PTGER3: variants seen among roughly 807,000 people sequenced by gnomAD.
The protein encoded by PTGER3 is prostaglandin E2 receptor EP3 subtype.
Under a neutral mutation model 34.7 loss-of-function variants are expected in PTGER3, and 22 were observed. The ratio of observed to expected loss-of-function variants is 0.63; its 90% CI spans 0.45 to 0.91. The LOEUF (loss-of-function observed/expected upper bound fraction) is 0.91, where lower values mean the gene tolerates loss of function less well. Among genes scored for constraint, PTGER3 ranks in the 40% least tolerant of loss-of-function variants. The probability of loss-of-function intolerance (pLI) is 0.00; values close to 1 mark genes in which losing one functional copy is unlikely to be tolerated. For missense variants in PTGER3, 468 were observed against 519.4 expected, an observed-to-expected ratio of 0.90 and a Z score of 0.96; for synonymous variants, 241 against 230.1, an observed-to-expected ratio of 1.05 and a Z score of -0.43.
intron 1 of PTGER3, among the ~76,000 whole-genome samples, chr1:71,027,047 G>A (rs1480940795): frequency 2.0e-5 from 3 of 152,102 alleles, no homozygotes; most frequent in African/African-American, 4.8e-5. Flanking sequence ...AATTCTTACT[G>A]TACTACTTAC....
chr1:71,008,930 G>T (rs1296548253), intron 2 of PTGER3: 3 of 981,294 alleles, frequency 3.1e-6, no homozygotes, highest in Non-Finnish European at 3.6e-6. Flanking sequence ...TGCAGGAGAA[G>T]CTTTTGGGGT....
intron 4 of PTGER3, among the ~76,000 whole-genome samples, chr1:70,947,107 G>A (rs1219629837): frequency 1.3e-5 from 2 of 152,024 alleles, no homozygotes; most frequent in Non-Finnish European, 2.9e-5. Flanking sequence ...GTAAAAATAG[G>A]GATAAAAATT....
intron 4 of PTGER3, among the ~76,000 whole-genome samples, chr1:70,870,169 C>T (rs1332053796): frequency 6.6e-6 from 1 of 152,156 alleles, no homozygotes; most frequent in African/African-American, 2.4e-5. Flanking sequence ...TGGAAGCCAC[C>T]AACACTTATG....
chr1:70,867,960 T>G (rs1448819272), intron 4 of PTGER3, among the ~76,000 whole-genome samples: 8 of 152,180 alleles, frequency 5.3e-5, no homozygotes, highest in Non-Finnish European at 1.2e-4. Context: ...CAATAGACAT[T>G]ACTAAATACC....
chr1:70,931,248 C>T (rs533661136), intron 4 of PTGER3, among the ~76,000 whole-genome samples: 1 of 152,192 alleles, frequency 6.6e-6, no homozygotes, highest in Non-Finnish European at 1.5e-5. Flanking sequence ...GGCAGCTCTG[C>T]CCCTGTGGCT....
chr1:70,917,070 T>G (rs1405328479), intron 4 of PTGER3, among the ~76,000 whole-genome samples: 1 of 151,990 alleles, frequency 6.6e-6, no homozygotes, highest in Non-Finnish European at 1.5e-5. Flanking sequence ...TCTTGAAATA[T>G]ACACTACATT....
At chr1:70,993,230 A>C (rs1655629210) in intron 2 of PTGER3, among the ~76,000 whole-genome samples, 1 of 152,152 alleles carries the variant, frequency 6.6e-6, no homozygotes, top group African/African-American at 2.4e-5. Context: ...CATATCCCCC[A>C]CTAAGAAAGC....
intron 2 of PTGER3, chr1:71,006,831 T>C (rs961285967): frequency 2.0e-6 from 2 of 985,302 alleles, no homozygotes; most frequent in Non-Finnish European, 2.4e-6. Flanking sequence ...CTGACGTGAG[T>C]TGACATCAGG....
chr1:70,907,106 T>C (rs1646965892), intron 4 of PTGER3, among the ~76,000 whole-genome samples: 1 of 152,204 alleles, frequency 6.6e-6, no homozygotes, highest in African/African-American at 2.4e-5. Flanking sequence ...AATGACCAAA[T>C]GTCACTCACC....
chr1:70,892,182 C>A (rs1646631826), intron 4 of PTGER3, among the ~76,000 whole-genome samples: 1 of 152,178 alleles, frequency 6.6e-6, no homozygotes, highest in Non-Finnish European at 1.5e-5. Context: ...GACAGACCTG[C>A]ATTTCAAACC....
intron 4 of PTGER3, among the ~76,000 whole-genome samples, chr1:70,930,132 A>G (rs760342466): frequency 6.6e-6 from 1 of 152,224 alleles, no homozygotes; most frequent in Non-Finnish European, 1.5e-5. Flanking sequence ...AACAATAACA[A>G]TAGATTTTGG....
At chr1:71,010,267 C>G in intron 2 of PTGER3, 3 of 984,352 alleles carry the variant, frequency 3.0e-6, no homozygotes, top group Non-Finnish European at 3.6e-6. Context: ...CAGTATGACA[C>G]TACACCCTTG....
At chr1:70,886,861 A>T (rs915132964) in intron 4 of PTGER3, among the ~76,000 whole-genome samples, 1 of 152,218 alleles carries the variant, frequency 6.6e-6, no homozygotes, top group Non-Finnish European at 1.5e-5. Flanking sequence ...GGTATATGGC[A>T]GAGCTGGTCC....
At chr1:70,910,725 G>A (rs1647041554) in intron 4 of PTGER3, among the ~76,000 whole-genome samples, 1 of 152,146 alleles carries the variant, frequency 6.6e-6, no homozygotes, top group East Asian at 1.9e-4. Context: ...TTACAAAACA[G>A]AAGAAACAAA....
chr1:70,863,461 G>A (rs539209768), intron 4 of PTGER3, among the ~76,000 whole-genome samples: 8 of 152,254 alleles, frequency 5.3e-5, no homozygotes, highest in South Asian at 2.1e-4. Flanking sequence ...GGATTCTACT[G>A]CAAGAAGAAA....
chr1:70,853,074 C>T (rs946204805), intron 4 of PTGER3, among the ~76,000 whole-genome samples: 17 of 152,164 alleles, frequency 1.1e-4, no homozygotes, highest in Non-Finnish European at 1.9e-4. Flanking sequence ...GCCACAAACT[C>T]GGGGTGTAAA....
intron 2 of PTGER3, among the ~76,000 whole-genome samples, chr1:70,989,554 A>AATATTATTG (rs1249027806): frequency 1.3e-5 from 2 of 152,200 alleles, no homozygotes; most frequent in Non-Finnish European, 2.9e-5. Context: ...TAGCTAAAAC[A>AATATTATTG]ATATTATTGA....
intron 4 of PTGER3, among the ~76,000 whole-genome samples, chr1:70,883,304 A>C (rs1646431904): frequency 1.3e-5 from 2 of 152,214 alleles, no homozygotes; most frequent in South Asian, 4.1e-4. Flanking sequence ...CTTTTAGGTT[A>C]GTTTATAAAT....
chr1:71,024,873 TTTTATTTA>T (rs139278168), intron 1 of PTGER3, among the ~76,000 whole-genome samples: 42,931 of 144,614 alleles, frequency 0.3, 6,781 homozygotes, highest in East Asian at 0.38. Context: ...TACTTGATTC[TTTTATTTA>T]TTTATTTATT....
Sources: gnomAD v4.1 joint callset for allele counts (sites outside exome capture counted in the v4.1 genomes callset) on GRCh38, gnomAD v4.1.1 for gene constraint, MANE v1.5 for transcripts, NCBI Gene and HGNC (gene_info 2026-07-23, HGNC 2026-07-21) for gene names.